LSAMP: variants seen among roughly 807,000 people sequenced by gnomAD.
LSAMP encodes limbic system associated membrane protein.
A neutral mutation model predicts 38.6 loss-of-function variants in LSAMP; 7 were observed. That is an observed-to-expected ratio of 0.18 (90% CI 0.10 to 0.34). The LOEUF is 0.34. Ranked by LOEUF, LSAMP falls within the 10% of genes least tolerant of loss-of-function variation. The pLI is 1.00. For synonymous variants in LSAMP, 154 were observed against 166.8 expected, an observed-to-expected ratio of 0.92 and a Z score of 0.59; for missense variants, 313 against 420.0, an observed-to-expected ratio of 0.75 and a Z score of 2.23.
At chr3:115,811,833 C>T (rs76677424) in intron 6 of LSAMP, among the ~76,000 whole-genome samples, 12,114 of 152,164 alleles carry the variant, frequency 0.08, 590 homozygotes, top group African/African-American at 0.13. Flanking sequence ...AGCACACAAC[C>T]ATGCTATAAG....
intron 1 of LSAMP, among the ~76,000 whole-genome samples, chr3:116,252,785 C>T (rs74976807): frequency 0.011 from 1,727 of 152,278 alleles, 27 homozygotes; most frequent in African/African-American, 0.039. Context: ...CGGCTAGCTC[C>T]GCAGATGTCA....
chr3:115,932,321 C>G (rs1937592765), intron 3 of LSAMP, among the ~76,000 whole-genome samples: 2 of 152,110 alleles, frequency 1.3e-5, no homozygotes, highest in Non-Finnish European at 2.9e-5. Context: ...GTGCTTTTAA[C>G]TTTTACATTA....
At chr3:116,045,917 C>A (rs761607996) in intron 2 of LSAMP, among the ~76,000 whole-genome samples, 12 of 152,144 alleles carry the variant, frequency 7.9e-5, no homozygotes, top group Admixed American at 2.0e-4. Context: ...ATTTTAAACT[C>A]CCCAAAGTTT....
At chr3:116,131,120 A>T (rs1576382530) in intron 1 of LSAMP, among the ~76,000 whole-genome samples, 3 of 151,688 alleles carry the variant, frequency 2.0e-5, no homozygotes, top group South Asian at 4.2e-4. Context: ...CCTCCCAAGT[A>T]ACTGGGACTA....
intron 1 of LSAMP, among the ~76,000 whole-genome samples, chr3:116,111,892 A>G (rs570615339): frequency 9.2e-5 from 14 of 152,368 alleles, no homozygotes; most frequent in African/African-American, 3.1e-4. Context: ...AGGGGACCCT[A>G]GCCACAAGGT....
chr3:116,391,031 C>T (rs1463657754), intron 1 of LSAMP, among the ~76,000 whole-genome samples: 1 of 152,172 alleles, frequency 6.6e-6, no homozygotes, highest in Non-Finnish European at 1.5e-5. Flanking sequence ...TTAAATTTCC[C>T]TTAGAACATC....
At chr3:115,894,519 A>T (rs1467470521) in intron 3 of LSAMP, among the ~76,000 whole-genome samples, 15 of 152,088 alleles carry the variant, frequency 9.9e-5, no homozygotes, top group Admixed American at 9.8e-4. Context: ...TGAAGAAAAC[A>T]TAATAAAGTA....
rs911859471 is a variant in LSAMP, at chr3:116,110,514, C to T, written c.156-23958G>A. 2.6e-5 allele frequency among the ~76,000 whole-genome samples: 4 copies of T among 152,124 alleles called. No homozygotes were observed. The South Asian group carries it at 6.2e-4, about 24-fold the overall frequency. On this transcript the variant is annotated intron_variant, in intron 1 of 6. Transcript: ENST00000490035. ...TTGGGTCCACGGATAAAACGTGTCT[C>T]CTTTGTCTCTACCAGAAAATGAAAG... is the stretch of plus-strand genomic sequence containing the variant.
At chr3:116,278,848 A>T (rs1377031083) in intron 1 of LSAMP, among the ~76,000 whole-genome samples, 1 of 152,182 alleles carries the variant, frequency 6.6e-6, no homozygotes, top group Admixed American at 6.5e-5. Context: ...TGTTTTGTTG[A>T]TACTTTTATA....
intron 1 of LSAMP, among the ~76,000 whole-genome samples, chr3:116,341,294 T>TTGG (rs2047992158): frequency 6.6e-6 from 1 of 151,900 alleles, no homozygotes; most frequent in African/African-American, 2.4e-5. Flanking sequence ...TTTGTTGTTG[T>TTGG]TGGTGGTGGT....
At chr3:116,024,800 T>C (rs907193792) in intron 2 of LSAMP, among the ~76,000 whole-genome samples, 1 of 150,872 alleles carries the variant, frequency 6.6e-6, no homozygotes, top group Non-Finnish European at 1.5e-5. Context: ...TTATTATTAT[T>C]ATTATCATTA....
intron 1 of LSAMP, among the ~76,000 whole-genome samples, chr3:116,286,831 A>T (rs1340445217): frequency 2.0e-5 from 3 of 151,650 alleles, no homozygotes; most frequent in Non-Finnish European, 2.9e-5. Context: ...TATTAATGTC[A>T]TTAACTTTTT....
chr3:116,072,949 C>T (rs1559731798), intron 2 of LSAMP, among the ~76,000 whole-genome samples: 2 of 152,172 alleles, frequency 1.3e-5, no homozygotes, highest in African/African-American at 4.8e-5. Flanking sequence ...GTTGCAATTG[C>T]TTTTGGCATT....
intron 1 of LSAMP, among the ~76,000 whole-genome samples, chr3:116,145,345 G>A (rs1005387870): frequency 2.0e-5 from 3 of 151,914 alleles, no homozygotes; most frequent in African/African-American, 7.2e-5. Context: ...GAGAGAGAGA[G>A]AGAGATTGAT....
At chr3:116,317,645 G>A (rs895286090) in intron 1 of LSAMP, among the ~76,000 whole-genome samples, 10 of 150,790 alleles carry the variant, frequency 6.6e-5, no homozygotes, top group East Asian at 2.1e-4. Flanking sequence ...GTGAGCCCCC[G>A]CGCCCGGCCC....
At chr3:116,021,433 G>A (rs543007829) in intron 2 of LSAMP, among the ~76,000 whole-genome samples, 6 of 151,814 alleles carry the variant, frequency 4.0e-5, no homozygotes, top group East Asian at 1.9e-4. Context: ...CCGTTATTTC[G>A]AGTTCACAGT....
intron 2 of LSAMP, among the ~76,000 whole-genome samples, chr3:116,055,961 G>A (rs557103291): frequency 6.7e-6 from 1 of 148,566 alleles, no homozygotes; most frequent in East Asian, 2.0e-4. Flanking sequence ...AAGGATCCCT[G>A]CTTTTTTTTT....
intron 1 of LSAMP, among the ~76,000 whole-genome samples, chr3:116,389,524 C>T (rs1221640136): frequency 6.6e-6 from 1 of 152,190 alleles, no homozygotes; most frequent in African/African-American, 2.4e-5. Flanking sequence ...AATAACAAAA[C>T]ATTCTGGGTA....
At chr3:116,440,450 AATACGTC>A (rs1302411961) in intron 1 of LSAMP, among the ~76,000 whole-genome samples, 1 of 152,188 alleles carries the variant, frequency 6.6e-6, no homozygotes, top group African/African-American at 2.4e-5. Flanking sequence ...CAATTCTACA[AATACGTC>A]ATTCTAAGTC....
Sources: allele counts gnomAD v4.1 joint callset (sites outside exome capture counted in the v4.1 genomes callset), GRCh38; gene constraint gnomAD v4.1.1; transcripts MANE v1.5; gene names NCBI Gene and HGNC (gene_info 2026-07-23, HGNC 2026-07-21).